The following PDZD2 variants were observed in gnomAD, a reference collection of about 807,000 sequenced individuals.
PDZD2 encodes PDZ domain-containing protein 2.
PDZD2 carries 90 observed loss-of-function variants against 220.7 expected under a neutral mutation model. The ratio of observed to expected loss-of-function variants is 0.41; its 90% confidence interval spans 0.34 to 0.49. The LOEUF (loss-of-function observed/expected upper bound fraction) is 0.49. Ranked by LOEUF, PDZD2 falls within the 20% of genes least tolerant of loss-of-function variation. The pLI is 0.28. For synonymous variants in PDZD2, 1,375 were observed against 1,450.5 expected (o/e 0.95, Z 1.18); for missense variants, 3,174 against 3,608.5 (o/e 0.88, Z 3.08).
intron 2 of PDZD2, among the ~76,000 whole-genome samples, chr5:31,818,197 C>A (rs1201189206): frequency 6.6e-6 from 1 of 151,998 alleles, no homozygotes; most frequent in Non-Finnish European, 1.5e-5. Flanking sequence ...GTGTTGAACT[C>A]CTGGGCTCAA....
chr5:31,679,475 G>GTGTGT (rs10626940), intron 1 of PDZD2, among the ~76,000 whole-genome samples: 61,301 of 151,614 alleles, frequency 0.4, 12,532 homozygotes, highest in South Asian at 0.55. Context: ...CTGTGTTGTG[G>GTGTGT]TGTGTTGTGT....
chr5:32,022,378 T>G (rs1029693118), intron 6 of PDZD2, among the ~76,000 whole-genome samples: 66 of 150,718 alleles, frequency 4.4e-4, no homozygotes, highest in African/African-American at 1.5e-3. Context: ...TTTTTTTTTT[T>G]TGTATTTTAG....
chr5:31,744,714 G>A (rs1166751154), intron 1 of PDZD2, among the ~76,000 whole-genome samples: 1 of 152,166 alleles, frequency 6.6e-6, no homozygotes, highest in Non-Finnish European at 1.5e-5. Context: ...TATTTCAGAA[G>A]GTTTTAGTGA....
At chr5:31,743,996 A>T (rs942223733) in intron 1 of PDZD2, 5 of 152,080 alleles carry the variant, frequency 3.3e-5, no homozygotes, top group Non-Finnish European at 5.9e-5. Context: ...TCTTCCCTTT[A>T]ATTGTGCCTG....
At chr5:32,103,531 C>T (rs1744458879) in intron 24 of PDZD2, 3 of 152,298 alleles carry the variant, frequency 2.0e-5, no homozygotes, top group Middle Eastern at 3.4e-3. Flanking sequence ...ATCAGAGTGG[C>T]GGCATCAATG....
At chr5:31,910,496 T>A (rs1442610203) in intron 2 of PDZD2, among the ~76,000 whole-genome samples, 2 of 151,062 alleles carry the variant, frequency 1.3e-5, no homozygotes, top group Non-Finnish European at 2.9e-5. Context: ...GTTCAAGCGA[T>A]TCTCTTGCCT....
chr5:31,762,416 T>A (rs1751705034), intron 1 of PDZD2, among the ~76,000 whole-genome samples: 1 of 152,194 alleles, frequency 6.6e-6, no homozygotes, highest in African/African-American at 2.4e-5. Flanking sequence ...GCCTCCCAAG[T>A]AGCTGGGATT....
chr5:31,871,708 C>G (rs2150324461), intron 2 of PDZD2, among the ~76,000 whole-genome samples: 1 of 152,256 alleles, frequency 6.6e-6, no homozygotes, highest in Admixed American at 6.5e-5. Flanking sequence ...CTCAGCCTCC[C>G]AAAGTGCTGG....
At chr5:31,999,835 C>G (rs1751958637) in intron 4 of PDZD2, among the ~76,000 whole-genome samples, 1 of 152,146 alleles carries the variant, frequency 6.6e-6, no homozygotes, top group African/African-American at 2.4e-5. Context: ...ACCTTGGGGT[C>G]TTGGTTCCTC....
chr5:31,827,225 C>G (rs1343533290), intron 2 of PDZD2, among the ~76,000 whole-genome samples: 1 of 152,176 alleles, frequency 6.6e-6, no homozygotes, highest in Admixed American at 6.5e-5. Flanking sequence ...TGACCACCTA[C>G]TGTTTCAGCT....
chr5:31,815,245 CAAAAAAAAAAAAAA>C (rs59040987), intron 2 of PDZD2, among the ~76,000 whole-genome samples: 16 of 57,940 alleles, frequency 2.8e-4, no homozygotes, highest in Middle Eastern at 0.015. Flanking sequence ...AACTCTGTCT[CAAAAAAAAAAAAAA>C]AAAAAAAAAA....
At chr5:31,862,823 G>A (rs1385006318) in intron 2 of PDZD2, among the ~76,000 whole-genome samples, 3 of 152,046 alleles carry the variant, frequency 2.0e-5, no homozygotes, top group Non-Finnish European at 4.4e-5. Flanking sequence ...TGCCTCCCGG[G>A]TTCAGTGATT....
At chr5:32,016,106 CTG>C (rs1028770826) in intron 6 of PDZD2, among the ~76,000 whole-genome samples, 32 of 152,298 alleles carry the variant, frequency 2.1e-4, no homozygotes, top group African/African-American at 7.5e-4. Flanking sequence ...CCTTCCGATT[CTG>C]TGAGTCTGAT....
chr5:31,781,354 C>T (rs775572741), intron 1 of PDZD2, among the ~76,000 whole-genome samples: 4 of 152,162 alleles, frequency 2.6e-5, no homozygotes, highest in Non-Finnish European at 4.4e-5. Context: ...TTGGAGGTTG[C>T]AGTGAGCTGA....
intron 1 of PDZD2, among the ~76,000 whole-genome samples, chr5:31,775,664 C>CGT (rs370394146): frequency 0.14 from 19,573 of 135,242 alleles, 1,591 homozygotes; most frequent in East Asian, 0.39. Context: ...ACTCACAGAG[C>CGT]GTGTGTGTGT....
intron 1 of PDZD2, among the ~76,000 whole-genome samples, chr5:31,790,899 C>T (rs185397085): frequency 1.9e-3 from 293 of 151,772 alleles, no homozygotes; most frequent in African/African-American, 7.0e-3. Context: ...GGGATTTCAC[C>T]GTGTTAGCCA....
intron 2 of PDZD2, among the ~76,000 whole-genome samples, chr5:31,966,276 A>C (rs572140377): frequency 2.6e-5 from 4 of 152,344 alleles, no homozygotes; most frequent in South Asian, 4.1e-4. Context: ...TACACAGACT[A>C]TAGGTACTGT....
intron 2 of PDZD2, among the ~76,000 whole-genome samples, chr5:31,947,448 A>G (rs1746747871): frequency 2.0e-5 from 3 of 152,138 alleles, no homozygotes; most frequent in African/African-American, 7.2e-5. Context: ...TCTTCAGTAA[A>G]CCATTTCATC....
intron 5 of PDZD2, among the ~76,000 whole-genome samples, chr5:32,002,901 A>ACAC (rs57291423): frequency 1.5e-4 from 2 of 13,254 alleles, no homozygotes; most frequent in Non-Finnish European, 2.7e-4. Context: ...ACCAACACAC[A>ACAC]CCCCCACCAC....
Sources: gnomAD v4.1 joint callset for allele counts (sites outside exome capture counted in the v4.1 genomes callset) on GRCh38, gnomAD v4.1.1 for gene constraint, MANE v1.5 for transcripts, NCBI Gene and HGNC (gene_info 2026-07-23, HGNC 2026-07-21) for gene names.